Variants in EYS observed in about 807,000 individuals in gnomAD.
The protein encoded by EYS is EGF-like photoreceptor maintenance factor, also known as protein eyes shut homolog.
A neutral mutation model predicts 282.1 loss-of-function variants in EYS; 250 were observed. The ratio of observed to expected loss-of-function variants is 0.89; its 90% CI spans 0.80 to 0.98. The LOEUF (loss-of-function observed/expected upper bound fraction) is 0.98. Ranked by LOEUF, EYS falls within the 50% of genes least tolerant of loss-of-function variation. EYS has a pLI of 0.00. For synonymous variants in EYS, 1,355 were observed against 1,282.9 expected (o/e 1.06, Z -1.20); for missense variants, 4,016 against 3,709.0 (o/e 1.08, Z -2.15).
In EYS at chr6:64,766,198, G is replaced by A. The variant is rs191333575; in HGVS notation, c.3443+47180C>T. ...CTGGCTCAGCCTCCCAAAGTGCTGA[G>A]ATTACAGACATGAGCCACTGCACTG... On this transcript the variant is annotated intron_variant, in intron 22 of 42. Coordinates refer to ENST00000503581, the MANE Select transcript of EYS (RefSeq NM_001142800.2). Among the ~76,000 whole-genome samples, 394 of 151,464 alleles carry A rather than the reference G, an allele frequency of 2.6e-3. 3 individuals carry two copies. The highest frequency in any genetic ancestry group is 8.8e-3 in the African/African-American group (363 of 41,314).
intron 26 of EYS, among the ~76,000 whole-genome samples, chr6:64,482,536 T>C (rs1052468106): frequency 6.6e-6 from 1 of 150,852 alleles, no homozygotes; most frequent in African/African-American, 2.5e-5. Flanking sequence ...TTAATGGACA[T>C]AGTAGTTTCT....
At chr6:65,030,193 G>A (rs914978057) in intron 13 of EYS, among the ~76,000 whole-genome samples, 2 of 152,124 alleles carry the variant, frequency 1.3e-5, no homozygotes, top group Non-Finnish European at 2.9e-5. Flanking sequence ...CAATAAGATG[G>A]ATGTGACCTG....
At chr6:64,718,900 G>A (rs867404144) in intron 22 of EYS, among the ~76,000 whole-genome samples, 9 of 152,234 alleles carry the variant, frequency 5.9e-5, no homozygotes, top group East Asian at 1.9e-4. Flanking sequence ...TGTGTTACAC[G>A]GAAAAGTGGA....
At position 64,318,552 on chromosome 6, in the gene EYS, T is replaced by A. The variant is rs755366550; in HGVS notation, c.6079-11470A>T. ...AATCATTTGATGCTATGAAAATACA[T>A]GAAAGTATGAGAAGTTTTCATGTTT... On this transcript the variant is annotated intron_variant, in intron 29 of 42. Transcript: ENST00000503581. Among the ~76,000 whole-genome samples, 32 of 152,128 alleles carry A rather than the reference T, an allele frequency of 2.1e-4. 1 individual carries two copies. The highest frequency in any genetic ancestry group is 2.1e-3 in the South Asian group (10 of 4,832).
chr6:65,356,501 G>C (rs1764491949), intron 8 of EYS, among the ~76,000 whole-genome samples: 1 of 151,786 alleles, frequency 6.6e-6, no homozygotes, highest in African/African-American at 2.4e-5. Context: ...GGGGTGCTGT[G>C]GTATTCTTCC....
In EYS at chr6:65,317,777, T is replaced by TCCTTCCTTCCTTCCTTCCTTC. The variant is rs1554183500; in HGVS notation, c.1766+17202_1766+17203insGAAGGAAGGAAGGAAGGAAGG. On this transcript the variant is annotated intron_variant, in intron 11 of 42. Coordinates refer to ENST00000503581, the MANE Select transcript of EYS (RefSeq NM_001142800.2). ...GCTCTTGGCTGGAGGCTACATTTTCTCTTCCTTCCTTCCTTCCTTCCTTCC... is the reference window on the plus strand; with the variant it reads ...GCTCTTGGCTGGAGGCTACATTTTCTCCTTCCTTCCTTCCTTCCTTCCTTCCTTCCTTCCTTCCTTCCTTCC... Among the ~76,000 whole-genome samples, 2 of 57,392 alleles carry TCCTTCCTTCCTTCCTTCCTTC rather than the reference T, an allele frequency of 3.5e-5. 1 individual carries two copies. The highest frequency in any genetic ancestry group is 7.8e-5 in the Non-Finnish European group (2 of 25,500). 37.7% of individuals were successfully genotyped at this position (57,392 alleles called of 152,430 possible).
chr6:64,864,874 A>G (rs1387091299), intron 19 of EYS, among the ~76,000 whole-genome samples: 3 of 151,764 alleles, frequency 2.0e-5, no homozygotes, highest in East Asian at 4.0e-4. Context: ...CGTCTCTACT[A>G]AAAATACAAA....
chr6:64,754,546 C>A (rs72886239), intron 22 of EYS, among the ~76,000 whole-genome samples: 1,764 of 152,150 alleles, frequency 0.012, 21 homozygotes, highest in Non-Finnish European at 0.016. Context: ...AAGAAAACTA[C>A]AAACCAATAT....
At chr6:65,361,287 A>C (rs1253519457) in intron 8 of EYS, among the ~76,000 whole-genome samples, 2 of 152,006 alleles carry the variant, frequency 1.3e-5, no homozygotes, top group African/African-American at 4.8e-5. Context: ...TGGGTGCAGC[A>C]CACCAACATG....
chr6:64,784,250 T>A (rs567650512), intron 22 of EYS, among the ~76,000 whole-genome samples: 29 of 152,208 alleles, frequency 1.9e-4, no homozygotes, highest in African/African-American at 6.7e-4. Flanking sequence ...TTTCCTTCCT[T>A]CTACTATCTT....
intron 26 of EYS, among the ~76,000 whole-genome samples, chr6:64,550,422 C>T (rs113672446): frequency 0.051 from 7,790 of 152,102 alleles, 458 homozygotes; most frequent in African/African-American, 0.13. Flanking sequence ...TTTTAATGAT[C>T]GCCATTCTAA....
intron 13 of EYS, among the ~76,000 whole-genome samples, chr6:65,006,523 AGC>A (rs1309178433): frequency 0.012 from 1,579 of 133,634 alleles, 24 homozygotes; most frequent in African/African-American, 0.017. Flanking sequence ...AAAAAAAAAA[AGC>A]AAAAAGGTAG....
At chr6:65,369,707 C>T (rs1765064019) in intron 8 of EYS, among the ~76,000 whole-genome samples, 2 of 151,624 alleles carry the variant, frequency 1.3e-5, no homozygotes, top group African/African-American at 2.4e-5. Context: ...CTCTCCTGTG[C>T]ACTGTAGGAT....
intron 40 of EYS, among the ~76,000 whole-genome samples, chr6:63,772,800 A>C (rs1769964931): frequency 6.6e-6 from 1 of 152,134 alleles, no homozygotes; most frequent in Non-Finnish European, 1.5e-5. Context: ...TCTAGCTTTT[A>C]TCCTTTTACT....
At chr6:64,663,081 G>A (rs968195521) in intron 22 of EYS, among the ~76,000 whole-genome samples, 1 of 151,328 alleles carries the variant, frequency 6.6e-6, no homozygotes, top group African/African-American at 2.4e-5. Context: ...TTAAAAATCT[G>A]TAAGAGTTAA....
At chr6:63,779,829 T>C (rs1037578634) in intron 39 of EYS, among the ~76,000 whole-genome samples, 5 of 151,976 alleles carry the variant, frequency 3.3e-5, no homozygotes, top group African/African-American at 1.2e-4. Flanking sequence ...ACATGTGCCA[T>C]GTTGGTGTGC....
intron 18 of EYS, among the ~76,000 whole-genome samples, chr6:64,897,145 T>C (rs1037712641): frequency 4.6e-5 from 7 of 152,108 alleles, no homozygotes; most frequent in African/African-American, 1.7e-4. Flanking sequence ...AGGGCTCCCA[T>C]ATCTCCTGAC....
intron 19 of EYS, among the ~76,000 whole-genome samples, chr6:64,846,014 CAT>C (rs143551613): frequency 0.017 from 2,612 of 152,180 alleles, 76 homozygotes; most frequent in African/African-American, 0.06. Flanking sequence ...TTCAACTTAA[CAT>C]ATGTTTCCAA....
At chr6:65,560,711 G>GAT (rs577573808) in intron 2 of EYS, among the ~76,000 whole-genome samples, 4 of 151,726 alleles carry the variant, frequency 2.6e-5, no homozygotes, top group South Asian at 2.1e-4. Flanking sequence ...ATATTAAATG[G>GAT]ATATATATAA....
Sources: gnomAD v4.1 joint callset for allele counts (sites outside exome capture counted in the v4.1 genomes callset) on GRCh38, gnomAD v4.1.1 for gene constraint, MANE v1.5 for transcripts, NCBI Gene and HGNC (gene_info 2026-07-23, HGNC 2026-07-21) for gene names.